The following MMP16 variants were observed in gnomAD, a reference collection of about 807,000 sequenced individuals.
MMP16 encodes matrix metallopeptidase 16, also known as matrix metalloproteinase-16.
MMP16 carries 12 observed loss-of-function variants against 67.8 expected under a neutral mutation model. The ratio of observed to expected loss-of-function variants is 0.18; its 90% confidence interval spans 0.11 to 0.29. The LOEUF is 0.29. Among genes scored for constraint, MMP16 ranks in the 10% least tolerant of loss-of-function variants. The pLI is 1.00. For missense variants in MMP16, 475 were observed against 765.7 expected (o/e 0.62, Z 4.48); for synonymous variants, 249 against 255.9 (o/e 0.97, Z 0.26).
chr8:88,071,484 GA>G (rs917180572), intron 7 of MMP16, among the ~76,000 whole-genome samples: 3 of 149,160 alleles, frequency 2.0e-5, no homozygotes, highest in South Asian at 4.2e-4. Flanking sequence ...ATTGGAAGAA[GA>G]AAAAAAAACA....
chr8:88,156,162 G>T (rs1168299055), intron 4 of MMP16, among the ~76,000 whole-genome samples: 8 of 151,974 alleles, frequency 5.3e-5, no homozygotes, highest in African/African-American at 1.9e-4. Flanking sequence ...CCATAGAGAG[G>T]CTTTTTATAA....
At chr8:88,262,869 A>G (rs1810409870) in intron 1 of MMP16, among the ~76,000 whole-genome samples, 1 of 142,694 alleles carries the variant, frequency 7.0e-6, no homozygotes, top group South Asian at 2.2e-4. Flanking sequence ...AAAAAAAAAA[A>G]AAAAAATTAG....
intron 1 of MMP16, among the ~76,000 whole-genome samples, chr8:88,230,762 A>G (rs1358421731): frequency 2.0e-5 from 3 of 152,092 alleles, no homozygotes; most frequent in Non-Finnish European, 4.4e-5. Context: ...TAATATTTGG[A>G]TGCATTCTTA....
At chr8:88,234,462 G>A (rs756163511) in intron 1 of MMP16, among the ~76,000 whole-genome samples, 1 of 152,202 alleles carries the variant, frequency 6.6e-6, no homozygotes, top group Non-Finnish European at 1.5e-5. Flanking sequence ...TAGAATGGAT[G>A]TATCCAAACT....
chr8:88,272,052 T>C (rs186742837), intron 1 of MMP16, among the ~76,000 whole-genome samples: 1 of 152,302 alleles, frequency 6.6e-6, no homozygotes, highest in East Asian at 1.9e-4. Context: ...AATGGGACAA[T>C]ATATAAACTA....
At chr8:88,242,815 C>A (rs1353133238) in intron 1 of MMP16, among the ~76,000 whole-genome samples, 3 of 152,158 alleles carry the variant, frequency 2.0e-5, no homozygotes, top group Non-Finnish European at 4.4e-5. Context: ...TGATCCTTAT[C>A]CTTCAGGCTG....
chr8:88,220,809 T>A (rs1369543866), intron 1 of MMP16, among the ~76,000 whole-genome samples: 1 of 152,112 alleles, frequency 6.6e-6, no homozygotes, highest in Non-Finnish European at 1.5e-5. Flanking sequence ...TCTTACGATA[T>A]CAATTTTTTA....
intron 3 of MMP16, among the ~76,000 whole-genome samples, chr8:88,169,236 G>GA (rs1412052892): frequency 6.6e-6 from 1 of 151,912 alleles, no homozygotes; most frequent in Non-Finnish European, 1.5e-5. Context: ...CTTTCCAGTG[G>GA]AAAAAAATAA....
chr8:88,315,245 G>A (rs891809070), intron 1 of MMP16, among the ~76,000 whole-genome samples: 1 of 152,106 alleles, frequency 6.6e-6, no homozygotes. Context: ...CCCAGAGCAT[G>A]TGCTCACTTC....
In MMP16 at chr8:88,140,123, T is replaced by C. The variant is rs116729306; in HGVS notation, c.710-21262A>G. Among the ~76,000 whole-genome samples the C allele has an allele frequency of 8.3e-3, 1,269 of 152,250 alleles. 13 individuals are homozygous for C. The highest frequency in any genetic ancestry group is 0.029 in the African/African-American group (1,220 of 41,562). On this transcript the variant is annotated intron_variant, in intron 4 of 9. Coordinates refer to ENST00000286614, the MANE Select transcript of MMP16 (RefSeq NM_005941.5). ...TCTGGGTCTGCATTCTTCTCTAGAC[T>C]TGACTGAGGCTGGAGTCTACTTCAA...
Position 88,186,548 on chromosome 8 carries a change from G to T in MMP16, c.332C>A (p.Ser111Tyr). 6.3e-7 allele frequency: 1 copy of T among 1,596,014 alleles called. No homozygotes were observed. The highest frequency in any genetic ancestry group is 8.5e-7 in the Non-Finnish European group (1 of 1,172,790). ...CGVPDQTRGS[S>Y]KFHIRRKRYA... ...TCGCTTTCGACGAATATGAAATTTG[G>T]AGCTACCTCTTGTCTGGTCAGGTAC... Residue 111 changes from serine to tyrosine, a missense_variant, in exon 3 of 10, where the codon TCC (serine) becomes TAC (tyrosine). Around this residue, in one of 5 missense-constraint regions of MMP16, gnomAD observed 170 missense variants for 239.6 expected, o/e 0.71. Coordinates refer to ENST00000286614, the MANE Select transcript of MMP16 (RefSeq NM_005941.5).
chr8:88,289,689 AACACACACACAC>A lies in MMP16; in HGVS notation c.132+37374_132+37385del, dbSNP rs4043664. Among the ~76,000 whole-genome samples the A allele has an allele frequency of 1.5e-3, 215 of 144,242 alleles. 2 individuals are homozygous for A. The highest frequency in any genetic ancestry group is 3.5e-3 in the Middle Eastern group (1 of 288). The allele number at this position is 144,242 out of a possible 152,430, so 94.6% of individuals were successfully genotyped here. The stretch of plus-strand genomic sequence containing the variant: ...ATACTGAACTGCTACTCCTAGAGGA[AACACACACACAC>A]ACACACACACACACACACACACACA... On this transcript the variant is annotated intron_variant, in intron 1 of 9. Coordinates refer to ENST00000286614, the MANE Select transcript of MMP16 (RefSeq NM_005941.5).
At chr8:88,103,002 T>C (rs1474047595) in intron 6 of MMP16, among the ~76,000 whole-genome samples, 2 of 151,850 alleles carry the variant, frequency 1.3e-5, no homozygotes, top group Non-Finnish European at 2.9e-5. Flanking sequence ...ACCTGGCCAG[T>C]GGAATAAAGC....
chr8:88,079,779 A>G (rs1230293679), intron 6 of MMP16, among the ~76,000 whole-genome samples: 1 of 152,152 alleles, frequency 6.6e-6, no homozygotes, highest in Non-Finnish European at 1.5e-5. Flanking sequence ...TATTGCCCTT[A>G]TAAAAGAGGC....
chr8:88,150,979 A>C (rs1283371392), intron 4 of MMP16, among the ~76,000 whole-genome samples: 2 of 142,524 alleles, frequency 1.4e-5, no homozygotes, highest in Non-Finnish European at 3.0e-5. Flanking sequence ...TCTCACGTGC[A>C]GAGACACACA....
chr8:88,099,820 G>T (rs1809104295), intron 6 of MMP16, among the ~76,000 whole-genome samples: 1 of 151,864 alleles, frequency 6.6e-6, no homozygotes, highest in South Asian at 2.1e-4. Flanking sequence ...ATATGCTCTT[G>T]TTATACCTCC....
chr8:88,228,972 G>A (rs190016045), intron 1 of MMP16, among the ~76,000 whole-genome samples: 97 of 151,730 alleles, frequency 6.4e-4, no homozygotes, highest in African/African-American at 2.2e-3. Flanking sequence ...ACCAACCTGG[G>A]CAACATCTAT....
chr8:88,060,148 C>T (rs1325487415), intron 7 of MMP16, among the ~76,000 whole-genome samples: 1 of 152,020 alleles, frequency 6.6e-6, no homozygotes, highest in Non-Finnish European at 1.5e-5. Context: ...TTTCTTTTAA[C>T]TGAATGAGAC....
intron 1 of MMP16, among the ~76,000 whole-genome samples, chr8:88,244,834 A>G (rs1275324677): frequency 2.0e-5 from 3 of 152,148 alleles, no homozygotes; most frequent in African/African-American, 7.2e-5. Context: ...TTGTGCTATT[A>G]TTATTTCTCC....
Sources: gnomAD v4.1 joint callset for allele counts (sites outside exome capture counted in the v4.1 genomes callset) on GRCh38, gnomAD v4.1.1 for gene constraint, gnomAD v4.1.1 regional missense constraint, MANE v1.5 for transcripts, NCBI Gene and HGNC (gene_info 2026-07-23, HGNC 2026-07-21) for gene names.